Variants in SLC25A24 observed in about 807,000 individuals in gnomAD.
SLC25A24 encodes mitochondrial adenyl nucleotide antiporter SLC25A24.
Under a neutral mutation model 60.7 loss-of-function variants are expected in SLC25A24, and 49 were observed. That is an observed-to-expected ratio of 0.81 (90% CI 0.64 to 1.02). The LOEUF (loss-of-function observed/expected upper bound fraction) is 1.02. Ranked by LOEUF, SLC25A24 falls within the 50% of genes least tolerant of loss-of-function variation. The probability of loss-of-function intolerance (pLI) is 0.00; values close to 1 mark genes in which losing one functional copy is unlikely to be tolerated. For missense variants in SLC25A24, 564 were observed against 586.3 expected (o/e 0.96, Z 0.39); for synonymous variants, 202 against 200.6 (o/e 1.01, Z -0.06).
intron 1 of SLC25A24, among the ~76,000 whole-genome samples, chr1:108,195,106 A>C (rs1047594675): frequency 6.6e-6 from 1 of 152,260 alleles, no homozygotes; most frequent in Admixed American, 6.5e-5. Flanking sequence ...ATCCTTAAAA[A>C]GATAAGATTT....
chr1:108,182,058 A>G, intron 2 of SLC25A24, 30 bp from the exon 3 acceptor site: 1 of 1,390,006 alleles, frequency 7.2e-7, no homozygotes, highest in Non-Finnish European at 1.0e-6. Flanking sequence ...GCAAAAAATA[A>G]AACTCAGAAC....
intron 6 of SLC25A24, among the ~76,000 whole-genome samples, chr1:108,152,232 C>G (rs969584750): frequency 6.6e-6 from 1 of 152,110 alleles, no homozygotes; most frequent in Non-Finnish European, 1.5e-5. Flanking sequence ...ATTATCTTTC[C>G]GGAAACACAC....
intron 3 of SLC25A24, among the ~76,000 whole-genome samples, chr1:108,173,685 C>A (rs1176888063): frequency 6.6e-6 from 1 of 152,124 alleles, no homozygotes; most frequent in Non-Finnish European, 1.5e-5. Context: ...TTTGGAACTT[C>A]TTAAAAATTT....
intron 8 of SLC25A24, 141 bp from the exon 9 acceptor site, chr1:108,139,349 G>T (rs369867183): frequency 1.2e-6 from 1 of 846,068 alleles, no homozygotes. Flanking sequence ...AGGCACTGCA[G>T]GAGGCGGTGA....
At chr1:108,183,898 C>T (rs1401545615) in intron 2 of SLC25A24, among the ~76,000 whole-genome samples, 1 of 152,112 alleles carries the variant, frequency 6.6e-6, no homozygotes, top group Non-Finnish European at 1.5e-5. Flanking sequence ...TGTGCATGTC[C>T]ATGAATGCCT....
chr1:108,187,927 G>GATATATAGATATATAT (rs1553256779), intron 1 of SLC25A24, among the ~76,000 whole-genome samples: 3 of 95,774 alleles, frequency 3.1e-5, no homozygotes, highest in South Asian at 3.2e-4. Flanking sequence ...AGACATTATA[G>GATATATAGATATATAT]ATATATATAT....
At chr1:108,182,241 A>T (rs921659479) in intron 2 of SLC25A24, among the ~76,000 whole-genome samples, 6 of 152,222 alleles carry the variant, frequency 3.9e-5, no homozygotes, top group Admixed American at 3.9e-4. Context: ...ACATTTTTTA[A>T]AATTCAGTAA....
rs186715190 is a variant in SLC25A24 at position 108,194,142 on chromosome 1, G to A, written c.183+5814C>T. Among the ~76,000 whole-genome samples the A allele has an allele frequency of 1.4e-5, 2 of 139,000 alleles. 1 individual carries two copies. Among genetic ancestry groups the A allele is most frequent in the East Asian group, 5.3e-4 (2 of 3,776 alleles). 91.2% of individuals were successfully genotyped at this position (139,000 alleles called of 152,430 possible). A position where few individuals can be genotyped will look rare whatever the true frequency, so the allele number is the denominator to read the frequency against. Reference sequence around the variant, plus strand: ...TACACTACCCATCATGTCAGATACTGGGGACAAAAACAGACCATCACATGT... The same window carrying A: ...TACACTACCCATCATGTCAGATACTAGGGACAAAAACAGACCATCACATGT... On this transcript the variant is annotated intron_variant, in intron 1 of 9. Coordinates refer to ENST00000565488, the MANE Select transcript of SLC25A24 (RefSeq NM_013386.5).
intron 3 of SLC25A24, among the ~76,000 whole-genome samples, chr1:108,169,253 C>G (rs929251908): frequency 1.3e-5 from 2 of 152,066 alleles, no homozygotes; most frequent in Non-Finnish European, 2.9e-5. Flanking sequence ...GCCCCTGGCT[C>G]CTTACAGTTC....
intron 1 of SLC25A24, chr1:108,199,251 G>C (rs1226839956): frequency 6.6e-6 from 1 of 152,188 alleles, no homozygotes; most frequent in African/African-American, 2.4e-5. Flanking sequence ...GAGAATGCCA[G>C]TGTCAGGGAA....
At chr1:108,171,522 G>T (rs1647460278) in intron 3 of SLC25A24, among the ~76,000 whole-genome samples, 1 of 152,114 alleles carries the variant, frequency 6.6e-6, no homozygotes, top group African/African-American at 2.4e-5. Context: ...CATATATGCT[G>T]CCTCCAGGGC....
intron 3 of SLC25A24, among the ~76,000 whole-genome samples, chr1:108,166,547 T>A (rs928354115): frequency 6.6e-6 from 1 of 152,226 alleles, no homozygotes; most frequent in Non-Finnish European, 1.5e-5. Context: ...ATTCATTTCA[T>A]CTTCCATCGC....
chr1:108,146,840 C>T (rs191601693), intron 7 of SLC25A24, among the ~76,000 whole-genome samples: 65 of 152,274 alleles, frequency 4.3e-4, no homozygotes, highest in Middle Eastern at 3.4e-3. Flanking sequence ...AGGATTTTCA[C>T]ATTGATGTTC....
intron 1 of SLC25A24, chr1:108,199,222 ACTTTCC>A (rs1237575353): frequency 2.6e-5 from 4 of 152,194 alleles, no homozygotes; most frequent in African/African-American, 7.2e-5. Flanking sequence ...TAACCTAATC[ACTTTCC>A]CTCTTTGGAT....
chr1:108,174,520 G>A (rs1053297784), intron 3 of SLC25A24, among the ~76,000 whole-genome samples: 1 of 152,220 alleles, frequency 6.6e-6, no homozygotes, highest in African/African-American at 2.4e-5. Flanking sequence ...AGTGCAAAAG[G>A]GAAATGTGGG....
chr1:108,198,085 G>A (rs1389169239), intron 1 of SLC25A24, among the ~76,000 whole-genome samples: 2 of 152,138 alleles, frequency 1.3e-5, no homozygotes, highest in Non-Finnish European at 2.9e-5. Flanking sequence ...ACCATGTTGT[G>A]ACACAGCAGG....
chr1:108,153,330 G>A (rs1170473386), intron 6 of SLC25A24, among the ~76,000 whole-genome samples: 1 of 152,092 alleles, frequency 6.6e-6, no homozygotes, highest in East Asian at 1.9e-4. Context: ...GCTATTCAAG[G>A]AACAAAATCT....
rs1047375419 is a variant in SLC25A24 at position 108,148,486 on chromosome 1, G to GT, written c.823-101dup. 3 of 722,076 alleles carry GT rather than the reference G, an allele frequency of 4.2e-6. No homozygotes were observed. In the African/African-American group the frequency reaches 5.2e-5, roughly 13 times the overall value. The allele number at this position is 722,076 out of a possible 1,614,324, so 44.7% of individuals were successfully genotyped here. The stretch of plus-strand genomic sequence containing the variant: ...TGAAGCTGTAACCTCCCATGTGATG[G>GT]TATTAGGAGATGAGGCTTCTGGAGG... On this transcript the variant is annotated intron_variant, in intron 6 of 9. Coordinates refer to ENST00000565488, the MANE Select transcript of SLC25A24 (RefSeq NM_013386.5).
intron 1 of SLC25A24, chr1:108,192,496 C>A (rs1648372037): frequency 6.7e-7 from 1 of 1,490,512 alleles, no homozygotes; most frequent in African/African-American, 1.4e-5. Flanking sequence ...TGAGACCCAC[C>A]TTCGCTTCCT....
Sources: gnomAD v4.1 joint callset for allele counts (sites outside exome capture counted in the v4.1 genomes callset) on GRCh38, gnomAD v4.1.1 for gene constraint, MANE v1.5 for transcripts, NCBI Gene and HGNC (gene_info 2026-07-23, HGNC 2026-07-21) for gene names.